The following DENND4C variants were observed in gnomAD, a reference collection of about 807,000 sequenced individuals.
DENND4C encodes the protein DENN domain-containing protein 4C.
DENND4C carries 108 observed loss-of-function variants against 203.0 expected under a neutral mutation model. That is an observed-to-expected ratio of 0.53 (90% CI 0.46 to 0.62). DENND4C has a LOEUF of 0.62. Among genes scored for constraint, DENND4C ranks in the 20% least tolerant of loss-of-function variants. The probability of loss-of-function intolerance (pLI) is 0.00; values close to 1 mark genes in which losing one functional copy is unlikely to be tolerated. For synonymous variants in DENND4C, 871 were observed against 792.4 expected (o/e 1.10, Z -1.67); for missense variants, 2,481 against 2,301.2 (o/e 1.08, Z -1.60).
chr9:19,272,431 A>C (rs1815986427), intron 1 of DENND4C, among the ~76,000 whole-genome samples: 1 of 151,920 alleles, frequency 6.6e-6, no homozygotes, highest in Non-Finnish European at 1.5e-5. Flanking sequence ...AAAAAACAAA[A>C]ACAAAAACAA....
At chr9:19,251,497 A>G (rs964874221) in intron 1 of DENND4C, among the ~76,000 whole-genome samples, 3 of 152,154 alleles carry the variant, frequency 2.0e-5, no homozygotes, top group African/African-American at 7.2e-5. Context: ...ACTCTTCGTT[A>G]CTTATGTAAA....
chr9:19,249,546 G>A (rs904361302), intron 1 of DENND4C, among the ~76,000 whole-genome samples: 1 of 152,070 alleles, frequency 6.6e-6, no homozygotes, highest in Non-Finnish European at 1.5e-5. Context: ...GTAAGCCATC[G>A]CGCCTGGCCA....
chr9:19,329,455 T>G (rs1299821063), intron 16 of DENND4C, among the ~76,000 whole-genome samples: 1 of 152,242 alleles, frequency 6.6e-6, no homozygotes, highest in Non-Finnish European at 1.5e-5. Flanking sequence ...TGTCTATTCA[T>G]AGACATGTGG....
rs753163983 is a variant in DENND4C, at chr9:19,342,792, AT to A, written c.3151+17del. On this transcript the variant is annotated intron_variant, in intron 22 of 32. Coordinates refer to ENST00000434457, the MANE Select transcript of DENND4C (RefSeq NM_001330640.2). ...AAAAGTAGCACTGGTGAGTCTTTACATTTTGGTTATTAAATATTTAAAATAT... is the reference window on the plus strand; with the variant it reads ...AAAAGTAGCACTGGTGAGTCTTTACATTTGGTTATTAAATATTTAAAATAT... The A allele has an allele frequency of 6.4e-7, 1 of 1,564,140 alleles. No homozygotes were observed. Among genetic ancestry groups the A allele is most frequent in the South Asian group, 1.2e-5 (1 of 81,564 alleles).
At chr9:19,278,075 T>C (rs970172410) in intron 2 of DENND4C, among the ~76,000 whole-genome samples, 4 of 17,520 alleles carry the variant, frequency 2.3e-4, no homozygotes, top group Non-Finnish European at 4.0e-4. Flanking sequence ...CTTTTTTTTC[T>C]TTTTTTTTTT....
In DENND4C at chr9:19,346,859, C is replaced by T. The variant is rs1341583207; in HGVS notation, c.4090C>T (p.Pro1364Ser). 1.9e-6 allele frequency: 3 copies of T among 1,614,086 alleles called. No homozygotes were observed. The highest frequency in any genetic ancestry group is 2.5e-6 in the Non-Finnish European group (3 of 1,180,044). The change falls in exon 23 of 33, where the codon CCC (proline) becomes TCC (serine). Residue 1364 changes from proline (P) to serine (S), a missense_variant. By Grantham distance (74) the Pro-to-Ser change is moderately conservative. Around this residue, in one of 3 missense-constraint regions of DENND4C, gnomAD observed 2,289 missense variants for 2,113.3 expected, o/e 1.08. Coordinates refer to ENST00000434457, the MANE Select transcript of DENND4C (RefSeq NM_001330640.2). ...TACTGGGCGTTTCAAGCAGCAAACC[C>T]CCTCTCGAACTCATAAAGAACGTTC... ...TFTGRFKQQT[P>S]SRTHKERSTS...
At chr9:19,283,713 A>C (rs138726198) in intron 2 of DENND4C, among the ~76,000 whole-genome samples, 86 of 81,398 alleles carry the variant, frequency 1.1e-3, no homozygotes, top group Non-Finnish European at 1.3e-3. Flanking sequence ...CCTCACCCCC[A>C]CCCCCGCCAG....
At position 19,319,337 on chromosome 9, in the gene DENND4C, C is replaced by CATATAT. The variant is rs1563798952; in HGVS notation, c.1807+2499_1807+2500insTATATA. Among the ~76,000 whole-genome samples the CATATAT allele has an allele frequency of 2.8e-3, 198 of 71,514 alleles. 1 individual carries two copies. The highest frequency in any genetic ancestry group is 0.023 in the East Asian group (82 of 3,490). The allele number at this position is 71,514 out of a possible 152,430, so 46.9% of individuals were successfully genotyped here. On this transcript the variant is annotated intron_variant, in intron 12 of 32. Coordinates refer to ENST00000434457, the MANE Select transcript of DENND4C (RefSeq NM_001330640.2). ...ACACACATATATATACATATATATA[C>CATATAT]ACATATATATATACTTATATATACA...
intron 7 of DENND4C, among the ~76,000 whole-genome samples, chr9:19,298,968 G>A (rs1186503313): frequency 1.3e-5 from 2 of 151,954 alleles, no homozygotes; most frequent in African/African-American, 4.8e-5. Context: ...TTAAATAATT[G>A]TACTTTAACC....
intron 21 of DENND4C, among the ~76,000 whole-genome samples, chr9:19,341,316 T>G (rs868088592): frequency 6.7e-6 from 1 of 148,766 alleles, no homozygotes; most frequent in African/African-American, 2.5e-5. Context: ...TCTTTCTTTT[T>G]TTTTTTTTTT....
rs1355865188 is a variant in DENND4C at position 19,374,174 on chromosome 9, C to G, written c.*2001C>G. Among the ~76,000 whole-genome samples the G allele has an allele frequency of 6.6e-6, 1 of 151,990 alleles. No homozygotes were observed. The highest frequency in any genetic ancestry group is 2.4e-5 in the African/African-American group (1 of 41,380). ...TCTTGAAATCTGTAATCTTTAGAAT[C>G]CCAATATTTTGTTTTTTCCATTCCT... is the stretch of plus-strand genomic sequence containing the variant. On this transcript the variant is annotated 3_prime_UTR_variant, in exon 33 of 33. Coordinates refer to ENST00000434457, the MANE Select transcript of DENND4C (RefSeq NM_001330640.2).
Position 19,326,139 on chromosome 9 carries a change from A to T in DENND4C, c.2065A>T (p.Ile689Leu). 1 of 1,613,554 alleles carries T rather than the reference A, an allele frequency of 6.2e-7. No individual in the cohort carries two copies. The highest frequency in any genetic ancestry group is 8.5e-7 in the Non-Finnish European group (1 of 1,179,724). ...DSQKSEHTVF[I>L]MPPEPPPDDG... ...ACAGAAAAGTGAGCATACTGTATTT[A>T]TAATGCCGCCAGAGCCACCTCCTGA... is the stretch of plus-strand genomic sequence containing the variant. The change falls in exon 15 of 33, where the codon ATA becomes TTA. Residue 689 changes from isoleucine (I) to leucine (L), a missense_variant. This residue lies in a region of DENND4C where 2,289 missense variants were observed against 2,113.3 expected (regional missense o/e 1.08). Coordinates refer to ENST00000434457, the MANE Select transcript of DENND4C (RefSeq NM_001330640.2).
rs1165740537 is a variant in DENND4C, at chr9:19,276,138, C to CT, written c.-17-17dup. On this transcript the variant is annotated intron_variant, in intron 1 of 32. Coordinates refer to ENST00000434457, the MANE Select transcript of DENND4C (RefSeq NM_001330640.2). ...ATAAAGTATTTTATTTTATTGGTAT[C>CT]TTTCCCCTCCCTCTTCTAGAAAATA... 2 of 1,168,050 alleles carry CT rather than the reference C, an allele frequency of 1.7e-6. No homozygotes were observed. Among genetic ancestry groups the CT allele is most frequent in the Non-Finnish European group, 2.2e-6 (2 of 929,816 alleles). The allele number at this position is 1,168,050 out of a possible 1,614,324, so 72.4% of individuals were successfully genotyped here. A position where few individuals can be genotyped will look rare whatever the true frequency, so the allele number is the denominator to read the frequency against.
At chr9:19,298,232 A>G in intron 7 of DENND4C, 110 bp downstream of exon 7, 1 of 904,780 alleles carries the variant, frequency 1.1e-6, no homozygotes, top group Non-Finnish European at 1.7e-6. Flanking sequence ...ATGCATTCAT[A>G]AAGTCCTTGG....
chr9:19,287,064 A>G, intron 3 of DENND4C, 43 bp downstream of exon 3: 2 of 1,230,670 alleles, frequency 1.6e-6, no homozygotes, highest in Non-Finnish European at 1.0e-6. Context: ...TATGAAACCA[A>G]AAAGGGATAC....
rs189106031 is a variant in DENND4C, at chr9:19,322,510, C to G, written c.1808-1852C>G. 7.9e-4 allele frequency among the ~76,000 whole-genome samples: 120 copies of G among 152,058 alleles called. 3 individuals carry two copies. The Middle Eastern group carries it at 0.01, about 13-fold the overall frequency. On this transcript the variant is annotated intron_variant, in intron 12 of 32. Transcript: ENST00000434457. The stretch of plus-strand genomic sequence containing the variant: ...GGCGCGGTGGCTCAGGCCTGTAATC[C>G]CCGCACTTTCGGAGGCCGAGGTGGG...
Position 19,352,501 on chromosome 9 carries a change from C to T in DENND4C, c.4617C>T (p.Ser1539=). The change falls in exon 26 of 33, where the codon TCC becomes TCT. Residue 1539 remains serine (S), a synonymous_variant. Coordinates refer to ENST00000434457, the MANE Select transcript of DENND4C (RefSeq NM_001330640.2). ...TTTTCTGTTTTTAGGTTTTGATGTC[C>T]AGTTGTTCACAGTGTAGAGCTTGTG... is the stretch of plus-strand genomic sequence containing the variant. The part of the protein sequence containing the change: ...YQNCAMEVLM[S]SCSQCRACGA... 2.5e-6 allele frequency: 4 copies of T among 1,581,168 alleles called. No individual in the cohort carries two copies. The highest frequency in any genetic ancestry group is 2.6e-6 in the Non-Finnish European group (3 of 1,164,376).
chr9:19,350,661 GTAT>G (rs771315473), intron 23 of DENND4C, 38 bp from the exon 24 acceptor site: 2 of 1,555,376 alleles, frequency 1.3e-6, no homozygotes, highest in South Asian at 1.2e-5. Flanking sequence ...ACTGGAGAAG[GTAT>G]TATTTATGTA....
intron 5 of DENND4C, among the ~76,000 whole-genome samples, chr9:19,291,996 TAAAC>T (rs1004195694): frequency 2.0e-5 from 3 of 151,862 alleles, no homozygotes; most frequent in Non-Finnish European, 2.9e-5. Context: ...CAGAGAAAAA[TAAAC>T]AAATAAGTAA....
Sources: allele counts gnomAD v4.1 joint callset (sites outside exome capture counted in the v4.1 genomes callset), GRCh38; gene constraint gnomAD v4.1.1; regional missense constraint gnomAD v4.1.1; transcripts MANE v1.5; gene names NCBI Gene and HGNC (gene_info 2026-07-23, HGNC 2026-07-21).